Variants in PXDNL observed in about 807,000 individuals in gnomAD.
PXDNL encodes the protein probable oxidoreductase PXDNL.
Under a neutral mutation model 150.8 loss-of-function variants are expected in PXDNL, and 145 were observed. The observed-to-expected ratio is 0.96, with a 90% CI of 0.84 to 1.10. The LOEUF (loss-of-function observed/expected upper bound fraction) is 1.10, where lower values mean the gene tolerates loss of function less well. Ranked by LOEUF, PXDNL falls within the 50% of genes least tolerant of loss-of-function variation. PXDNL has a pLI of 0.00. For missense variants in PXDNL, 2,087 were observed against 1,873.9 expected, an observed-to-expected ratio of 1.11 and a Z score of -2.10; for synonymous variants, 757 against 725.7, an observed-to-expected ratio of 1.04 and a Z score of -0.69.
chr8:51,459,586 T>A (rs73581432), intron 8 of PXDNL, among the ~76,000 whole-genome samples: 3,513 of 152,288 alleles, frequency 0.023, 121 homozygotes, highest in African/African-American at 0.08. Context: ...CTTTTCCTAG[T>A]AATTTCCCTC....
chr8:51,597,119 A>G (rs960946921), intron 2 of PXDNL, among the ~76,000 whole-genome samples: 58 of 152,194 alleles, frequency 3.8e-4, no homozygotes, highest in Middle Eastern at 3.2e-3. Flanking sequence ...ATTCTTCTAC[A>G]TATGGCTAGC....
intron 1 of PXDNL, among the ~76,000 whole-genome samples, chr8:51,663,593 A>G (rs1563499762): frequency 6.6e-6 from 1 of 152,200 alleles, no homozygotes; most frequent in Non-Finnish European, 1.5e-5. Flanking sequence ...TCTGAAAGTA[A>G]GGAGAACATT....
At chr8:51,465,721 T>C (rs1035017043) in intron 8 of PXDNL, among the ~76,000 whole-genome samples, 12 of 152,150 alleles carry the variant, frequency 7.9e-5, no homozygotes, top group African/African-American at 2.7e-4. Flanking sequence ...AAAATCAATG[T>C]GTAAAAAATA....
chr8:51,501,803 G>A (rs1258001055), intron 4 of PXDNL, among the ~76,000 whole-genome samples: 1 of 152,278 alleles, frequency 6.6e-6, no homozygotes, highest in Non-Finnish European at 1.5e-5. Context: ...GTAGGGGCTG[G>A]GAGAGTGAAA....
intron 5 of PXDNL, among the ~76,000 whole-genome samples, chr8:51,494,555 C>T (rs919014410): frequency 3.9e-5 from 6 of 152,074 alleles, no homozygotes; most frequent in African/African-American, 1.2e-4. Context: ...CAGAGACACA[C>T]ATAGGCTCAA....
chr8:51,509,121 A>G (rs1811354069), intron 4 of PXDNL, among the ~76,000 whole-genome samples: 1 of 152,090 alleles, frequency 6.6e-6, no homozygotes, highest in Non-Finnish European at 1.5e-5. Flanking sequence ...GAGATAGTAG[A>G]TTTTAGATGC....
intron 2 of PXDNL, among the ~76,000 whole-genome samples, chr8:51,623,496 G>A (rs1470461155): frequency 1.3e-5 from 2 of 152,226 alleles, no homozygotes; most frequent in Non-Finnish European, 2.9e-5. Context: ...GCCTGTGCAT[G>A]AGCATGCATG....
intron 4 of PXDNL, among the ~76,000 whole-genome samples, chr8:51,552,811 C>T (rs1051345273): frequency 2.6e-5 from 4 of 152,014 alleles, no homozygotes; most frequent in Non-Finnish European, 5.9e-5. Flanking sequence ...CCATGTGTTC[C>T]CCCCAAAACT....
At chr8:51,508,658 C>G (rs1336516308) in intron 4 of PXDNL, among the ~76,000 whole-genome samples, 6 of 152,158 alleles carry the variant, frequency 3.9e-5, no homozygotes, top group Non-Finnish European at 8.8e-5. Flanking sequence ...GCATCCAGTA[C>G]CAGGAACATG....
intron 14 of PXDNL, among the ~76,000 whole-genome samples, chr8:51,417,302 CAT>C (rs1280371465): frequency 6.6e-6 from 1 of 152,156 alleles, no homozygotes; most frequent in Non-Finnish European, 1.5e-5. Flanking sequence ...ACAAAATAAA[CAT>C]GTTTAAAGTT....
rs572738494 is a variant in PXDNL, at chr8:51,615,912, G to A, written c.237-23214C>T. 1.6e-3 allele frequency among the ~76,000 whole-genome samples: 251 copies of A among 152,240 alleles called. 2 individuals are homozygous for A. The highest frequency in any genetic ancestry group is 7.5e-4 in the Non-Finnish European group (51 of 68,006). On this transcript the variant is annotated intron_variant, in intron 2 of 22. Coordinates refer to ENST00000356297, the MANE Select transcript of PXDNL (RefSeq NM_144651.5). ...GGCAGCAGAGAATGGCCATCACCACGGCAGCCTGAACATGGTGCCTCTATG... is the reference window on the plus strand; with the variant it reads ...GGCAGCAGAGAATGGCCATCACCACAGCAGCCTGAACATGGTGCCTCTATG...
rs11985241 is a variant in PXDNL at position 51,409,126 on chromosome 8, C to A, written c.2498G>T (p.Ser833Ile). 8.1e-6 allele frequency: 13 copies of A among 1,605,792 alleles called. No homozygotes were observed. Among genetic ancestry groups the A allele is most frequent in the Non-Finnish European group, 2.5e-6 (3 of 1,178,844 alleles). ...TARFSDGRPC[S>I]SVCTNDPPCF... ...AGGAGGGTCGTTGGTGCAGACGGAG[C>A]TGCACGGCCGCCCATCCGAGAAGCG... The change falls in exon 17 of 23, where the codon AGC becomes ATC. Residue 833 changes from serine to isoleucine, a missense_variant. Ser to Ile is a moderately radical substitution (Grantham distance 142). Transcript: ENST00000356297.
intron 1 of PXDNL, among the ~76,000 whole-genome samples, chr8:51,789,380 G>A (rs1005871466): frequency 6.6e-6 from 1 of 152,152 alleles, no homozygotes; most frequent in African/African-American, 2.4e-5. Flanking sequence ...AACAAGCACA[G>A]ATGGTGAACA....
At chr8:51,661,989 G>A (rs1815281494) in intron 1 of PXDNL, among the ~76,000 whole-genome samples, 1 of 151,968 alleles carries the variant, frequency 6.6e-6, no homozygotes, top group African/African-American at 2.4e-5. Context: ...TCTATCTAGC[G>A]TCTTCACTTT....
intron 4 of PXDNL, among the ~76,000 whole-genome samples, chr8:51,516,262 G>A (rs991822595): frequency 6.6e-6 from 1 of 152,126 alleles, no homozygotes; most frequent in East Asian, 1.9e-4. Flanking sequence ...AAATATGCAT[G>A]GTGAAAAGCA....
chr8:51,332,190 T>C (rs115783034), intron 21 of PXDNL, among the ~76,000 whole-genome samples: 6,484 of 152,166 alleles, frequency 0.043, 288 homozygotes, highest in African/African-American at 0.11. Flanking sequence ...CCAGGAGCTG[T>C]GTAGACTCGC....
chr8:51,378,825 C>T (rs1807441716), intron 17 of PXDNL, among the ~76,000 whole-genome samples: 1 of 152,134 alleles, frequency 6.6e-6, no homozygotes, highest in African/African-American at 2.4e-5. Context: ...AGACTATGAA[C>T]CCACCAGAAG....
intron 6 of PXDNL, among the ~76,000 whole-genome samples, chr8:51,482,201 C>T (rs559830776): frequency 7.2e-5 from 11 of 152,150 alleles, no homozygotes; most frequent in East Asian, 1.9e-4. Flanking sequence ...GTGACCTGGT[C>T]GTGAGACATG....
At chr8:51,529,133 A>G (rs74834359) in intron 4 of PXDNL, among the ~76,000 whole-genome samples, 11,077 of 152,224 alleles carry the variant, frequency 0.073, 770 homozygotes, top group East Asian at 0.23. Flanking sequence ...TTTAACGTCA[A>G]TCACATCCCA....
Sources: allele counts gnomAD v4.1 joint callset (sites outside exome capture counted in the v4.1 genomes callset), GRCh38; gene constraint gnomAD v4.1.1; transcripts MANE v1.5; gene names NCBI Gene and HGNC (gene_info 2026-07-23, HGNC 2026-07-21).